Variants in GRIK1 observed in about 807,000 individuals in gnomAD.
GRIK1 encodes glutamate receptor ionotropic, kainate 1.
GRIK1 carries 69 observed loss-of-function variants against 105.7 expected under a neutral mutation model. The ratio of observed to expected loss-of-function variants is 0.65; its 90% CI spans 0.54 to 0.80. The LOEUF is 0.80. GRIK1 is among the 30% of genes least tolerant of loss of function. GRIK1 has a pLI of 0.00. For missense variants in GRIK1, 1,109 were observed against 1,167.3 expected, an observed-to-expected ratio of 0.95 and a Z score of 0.73; for synonymous variants, 438 against 431.3, an observed-to-expected ratio of 1.02 and a Z score of -0.19.
At chr21:29,687,448 G>A (rs2063505997) in intron 3 of GRIK1, among the ~76,000 whole-genome samples, 1 of 152,044 alleles carries the variant, frequency 6.6e-6, no homozygotes, top group African/African-American at 2.4e-5. Flanking sequence ...ATCTCAGTTG[G>A]CCTGTTTATT....
chr21:29,867,890 G>GAGAA (rs1424723242), intron 1 of GRIK1, among the ~76,000 whole-genome samples: 3 of 136,630 alleles, frequency 2.2e-5, no homozygotes, highest in African/African-American at 9.0e-5. Context: ...GAGAGAAAGA[G>GAGAA]AGAGAGAGAG....
intron 1 of GRIK1, among the ~76,000 whole-genome samples, chr21:29,810,954 T>C (rs2066994190): frequency 1.3e-5 from 2 of 152,148 alleles, no homozygotes; most frequent in Non-Finnish European, 2.9e-5. Context: ...AAATTTCTTA[T>C]TAAAAGGGAA....
intron 1 of GRIK1, among the ~76,000 whole-genome samples, chr21:29,694,946 A>G (rs1036178315): frequency 6.6e-6 from 1 of 152,194 alleles, no homozygotes; most frequent in African/African-American, 2.4e-5. Flanking sequence ...GAATATTCAA[A>G]GAACTGGTTT....
chr21:29,657,293 T>A (rs1366235578), intron 4 of GRIK1: 1 of 152,246 alleles, frequency 6.6e-6, no homozygotes, highest in Non-Finnish European at 1.5e-5. Flanking sequence ...TTTTTCTTTT[T>A]AAATTTCATT....
At chr21:29,868,456 G>C (rs2068901132) in intron 1 of GRIK1, among the ~76,000 whole-genome samples, 1 of 152,084 alleles carries the variant, frequency 6.6e-6, no homozygotes, top group African/African-American at 2.4e-5. Flanking sequence ...AATGTGGATG[G>C]ATCTGTGATG....
intron 1 of GRIK1, among the ~76,000 whole-genome samples, chr21:29,879,604 T>C (rs1205990128): frequency 6.6e-6 from 1 of 152,174 alleles, no homozygotes; most frequent in Non-Finnish European, 1.5e-5. Context: ...TCTTAAAACC[T>C]GGTAATTGTA....
intron 1 of GRIK1, among the ~76,000 whole-genome samples, chr21:29,933,490 C>A (rs2071643512): frequency 6.6e-6 from 1 of 152,086 alleles, no homozygotes; most frequent in Non-Finnish European, 1.5e-5. Flanking sequence ...TGTTTTGCTG[C>A]AGAATTTCAA....
chr21:29,555,274 A>G lies in GRIK1; in HGVS notation c.2385T>C (p.Ile795=). ...IGSPYRDKIT[I]AILQLQEEGK... is the part of the protein sequence containing the mutation. ...CTTCTTCTTGGAGTTGAAGAATAGC[A>G]ATAGTAATTTTATCCCGGTAAGGAG... The change falls in exon 16 of 18, where the codon ATT becomes ATC. Residue 795 remains isoleucine (I), a synonymous_variant. Coordinates refer to ENST00000327783, the MANE Select transcript of GRIK1 (RefSeq NM_001330994.2). 1.2e-6 allele frequency: 2 copies of G among 1,613,484 alleles called. No homozygotes were observed. The highest frequency in any genetic ancestry group is 1.7e-6 in the Non-Finnish European group (2 of 1,179,548).
intron 1 of GRIK1, among the ~76,000 whole-genome samples, chr21:29,753,008 A>G (rs2145654723): frequency 6.6e-6 from 1 of 152,334 alleles, no homozygotes; most frequent in Middle Eastern, 3.4e-3. Context: ...GAGAACCTGA[A>G]AAATAATATG....
intron 16 of GRIK1, among the ~76,000 whole-genome samples, chr21:29,538,822 G>T (rs955915477): frequency 6.6e-6 from 1 of 152,146 alleles, no homozygotes; most frequent in Admixed American, 6.5e-5. Flanking sequence ...GAAAATGTTC[G>T]TTTTGTTCCA....
intron 1 of GRIK1, among the ~76,000 whole-genome samples, chr21:29,698,569 G>T (rs2063754640): frequency 6.6e-6 from 1 of 152,180 alleles, no homozygotes; most frequent in African/African-American, 2.4e-5. Flanking sequence ...CATTGCTCGT[G>T]TGTACCTGAA....
intron 1 of GRIK1, among the ~76,000 whole-genome samples, chr21:29,767,260 T>G (rs2065690366): frequency 6.6e-6 from 1 of 152,250 alleles, no homozygotes; most frequent in Admixed American, 6.5e-5. Flanking sequence ...ATATCCTGTA[T>G]GTCTTTTTCT....
intron 1 of GRIK1, chr21:29,748,233 C>G (rs1046288161): frequency 6.6e-6 from 1 of 152,148 alleles, no homozygotes; most frequent in African/African-American, 2.4e-5. Context: ...AAGTCAGTTT[C>G]AAGAGGCTCA....
intron 7 of GRIK1, among the ~76,000 whole-genome samples, chr21:29,607,490 T>A (rs1259859813): frequency 2.0e-5 from 3 of 152,174 alleles, no homozygotes; most frequent in Admixed American, 1.3e-4. Flanking sequence ...TAGATTTGAT[T>A]ACTTATATCA....
chr21:29,835,291 G>A (rs1425274403), intron 1 of GRIK1, among the ~76,000 whole-genome samples: 2 of 152,278 alleles, frequency 1.3e-5, no homozygotes, highest in East Asian at 3.9e-4. Context: ...TTCTTCTGCT[G>A]GTGGCTAGAT....
chr21:29,768,662 C>A (rs769724839), intron 1 of GRIK1, among the ~76,000 whole-genome samples: 4 of 152,190 alleles, frequency 2.6e-5, no homozygotes, highest in African/African-American at 7.2e-5. Flanking sequence ...CCACCTGAAC[C>A]CCATGCTGCA....
At position 29,608,507 on chromosome 21, in the gene GRIK1, A is replaced by G. The variant is rs549583798; in HGVS notation, c.1099-9570T>C. On this transcript the variant is annotated intron_variant, in intron 7 of 17. Transcript: ENST00000327783. ...AAGATAGATATTTTAAGTTTTGTGA[A>G]TCTTTTTTTCTGCCAAATACTGCAT... is the stretch of plus-strand genomic sequence containing the variant. 7.9e-5 allele frequency among the ~76,000 whole-genome samples: 12 copies of G among 152,222 alleles called. No individual in the cohort carries two copies. The South Asian group carries it at 1.5e-3, about 18-fold the overall frequency.
rs144558430 is a variant in GRIK1 at position 29,621,799 on chromosome 21, A to T, written c.1098+21027T>A. Among the ~76,000 whole-genome samples the T allele has an allele frequency of 4.5e-4, 68 of 152,310 alleles. 1 individual carries two copies. Among genetic ancestry groups the T allele is most frequent in the African/African-American group, 1.5e-3 (63 of 41,566 alleles). On this transcript the variant is annotated intron_variant, in intron 7 of 17. Transcript: ENST00000327783. Reference sequence around the variant, plus strand: ...TAAAATATAGTGCCCCACAGTATAGATACAACATCCACTTTACACTTGGTA... The same window carrying T: ...TAAAATATAGTGCCCCACAGTATAGTTACAACATCCACTTTACACTTGGTA...
At chr21:29,860,507 A>G (rs1015756319) in intron 1 of GRIK1, among the ~76,000 whole-genome samples, 5 of 152,192 alleles carry the variant, frequency 3.3e-5, no homozygotes, top group African/African-American at 1.2e-4. Flanking sequence ...TTCCTGAATG[A>G]CTTGAACCAC....
Sources: gnomAD v4.1 joint callset for allele counts (sites outside exome capture counted in the v4.1 genomes callset) on GRCh38, gnomAD v4.1.1 for gene constraint, MANE v1.5 for transcripts, NCBI Gene and HGNC (gene_info 2026-07-23, HGNC 2026-07-21) for gene names.